COL5A1: variants seen among roughly 807,000 people sequenced by gnomAD.
The protein encoded by COL5A1 is collagen alpha-1(V) chain.
In COL5A1, 16 loss-of-function variants were observed where a neutral mutation model predicts 263.7. The ratio of observed to expected loss-of-function variants is 0.06; its 90% confidence interval spans 0.04 to 0.09. The LOEUF is 0.09. Ranked by LOEUF, COL5A1 falls within the 10% of genes least tolerant of loss-of-function variation. The pLI is 1.00. For synonymous variants in COL5A1, 1,012 were observed against 1,004.5 expected, an observed-to-expected ratio of 1.01 and a Z score of -0.14; for missense variants, 2,036 against 2,540.5, an observed-to-expected ratio of 0.80 and a Z score of 4.27.
In COL5A1 at chr9:134,701,288, C is replaced by T. The variant is rs146054551; in HGVS notation, c.609C>T (p.Gly203=). The change falls in exon 4 of 66, where the codon GGC becomes GGT. Residue 203 remains glycine (G), a synonymous_variant. Transcript: ENST00000371817. ...RSDHPMIDIN[G]IIVFGTRILD... is the part of the protein sequence containing the mutation. Reference sequence around the variant, plus strand: ...ACCACCCCATGATCGACATCAATGGCATCATCGTGTTTGGCACCCGGATCC... The same window carrying T: ...ACCACCCCATGATCGACATCAATGGTATCATCGTGTTTGGCACCCGGATCC... 8 of 1,613,912 alleles carry T rather than the reference C, an allele frequency of 5.0e-6. No individual in the cohort carries two copies. The highest frequency in any genetic ancestry group is 6.8e-6 in the Non-Finnish European group (8 of 1,180,030).
At position 134,808,575 on chromosome 9, in the gene COL5A1, A is replaced by G. The variant is rs576079381; in HGVS notation, c.3367-608A>G. ...TTGGTGCATATTCACACGTGTGCAC[A>G]TGTTGGTGCATATTCACACGTGTGC... On this transcript the variant is annotated intron_variant, in intron 42 of 65. Coordinates refer to ENST00000371817, the MANE Select transcript of COL5A1 (RefSeq NM_000093.5). 9.9e-5 allele frequency among the ~76,000 whole-genome samples: 15 copies of G among 152,204 alleles called. No homozygotes were observed. In the South Asian group the frequency reaches 3.1e-3, roughly 32 times the overall value.
rs116462877 is a variant in COL5A1, at chr9:134,688,713, G to A, written c.110-2199G>A. Among the ~76,000 whole-genome samples, 161 of 152,264 alleles carry A rather than the reference G, an allele frequency of 1.1e-3. 1 individual carries two copies. The highest frequency in any genetic ancestry group is 3.6e-3 in the African/African-American group (150 of 41,558). ...TCCCCTTTGTCACTGTTCCCACGCC[G>A]CAGTGGGAAATCCTCAGCTTCTCCA... On this transcript the variant is annotated intron_variant, in intron 1 of 65. Transcript: ENST00000371817.
rs1831878070 is a variant in COL5A1 at position 134,654,773 on chromosome 9, G to A, written c.109+12477G>A. ...GGCTGGTGTGTGTAGGGCTTGTGGT[G>A]TCTAGGGCTGGGGTGTGTAGACCTC... On this transcript the variant is annotated intron_variant, in intron 1 of 65. Coordinates refer to ENST00000371817, the MANE Select transcript of COL5A1 (RefSeq NM_000093.5). Among the ~76,000 whole-genome samples the A allele has an allele frequency of 2.1e-5, 3 of 141,548 alleles. No individual in the cohort carries two copies. In the South Asian group the frequency reaches 7.3e-4, roughly 34 times the overall value. The allele number at this position is 141,548 out of a possible 152,430, so 92.9% of individuals were successfully genotyped here.
intron 1 of COL5A1, among the ~76,000 whole-genome samples, chr9:134,645,323 C>T (rs1046602337): frequency 4.6e-5 from 7 of 152,222 alleles, no homozygotes; most frequent in African/African-American, 1.2e-4. Flanking sequence ...CGCTGCCTGG[C>T]CTGTCTGCCT....
chr9:134,738,931 TCC>T, intron 11 of COL5A1, 123 bp downstream of exon 11: 1 of 795,166 alleles, frequency 1.3e-6, no homozygotes. Flanking sequence ...TGTCTTCAAA[TCC>T]CCCCTCACCC....
chr9:134,795,474 C>G (rs547319174), intron 34 of COL5A1, among the ~76,000 whole-genome samples, 159 bp downstream of exon 34: 30 of 151,630 alleles, frequency 2.0e-4, no homozygotes, highest in Non-Finnish European at 3.5e-4. Context: ...TCCCCTCCAG[C>G]AGCCTCTGGA....
chr9:134,818,761 G>T lies in COL5A1; in HGVS notation c.4336G>T (p.Val1446Leu), dbSNP rs747180489. The change falls in exon 55 of 66, where the codon GTG becomes TTG. Residue 1446 changes from valine (V) to leucine (L), a missense_variant and splice_region_variant. Val to Leu is a conservative substitution (Grantham distance 32). This residue lies in a region of COL5A1 where 1,078 missense variants were observed against 1,521.4 expected (regional missense o/e 0.71). Transcript: ENST00000371817. The surrounding 1 kb of genome is among the most constrained non-coding windows in gnomAD (Gnocchi z 6.0). ...PDGLRGIPGP[V>L]GEQGLPGSPG... ...TGGCCTTCGAGGGATCCCTGGCCCT[G>T]TGGTGAGTAGGCTGTGAGGGGCAGA... 1 of 1,612,626 alleles carries T rather than the reference G, an allele frequency of 6.2e-7. No individual in the cohort carries two copies. The highest frequency in any genetic ancestry group is 8.5e-7 in the Non-Finnish European group (1 of 1,179,718).
chr9:134,671,941 C>T (rs1832550998), intron 1 of COL5A1, among the ~76,000 whole-genome samples: 1 of 152,224 alleles, frequency 6.6e-6, no homozygotes, highest in South Asian at 2.1e-4. Context: ...CAAGTGCAAG[C>T]TGCACTTGGG....
chr9:134,738,883 C>A, intron 11 of COL5A1, 75 bp downstream of exon 11: 1 of 1,251,766 alleles, frequency 8.0e-7, no homozygotes, highest in Non-Finnish European at 1.2e-6. Context: ...CACTGTGACC[C>A]GAGCTGTCCC....
chr9:134,672,152 A>ATATC (rs1274424708), intron 1 of COL5A1, among the ~76,000 whole-genome samples: 5 of 152,256 alleles, frequency 3.3e-5, no homozygotes, highest in African/African-American at 4.8e-5. Context: ...GAGATGTTAA[A>ATATC]TATCTATGTA....
Position 134,686,694 on chromosome 9 carries a change from T to G in COL5A1, c.110-4218T>G, listed in dbSNP as rs1307550125. On this transcript the variant is annotated intron_variant, in intron 1 of 65. Transcript: ENST00000371817. This position sits in a 1 kb window ranked among gnomAD's most constrained non-coding sequence, Gnocchi z 4.6. ...GATGCCAGTGACAAATACTTCTACT[T>G]GTAACAGTGCAGGGGATGCAGGGGC... is the stretch of plus-strand genomic sequence containing the variant. Among the ~76,000 whole-genome samples, 1 of 152,140 alleles carries G rather than the reference T, an allele frequency of 6.6e-6. No homozygotes were observed. The highest frequency in any genetic ancestry group is 2.4e-5 in the African/African-American group (1 of 41,432).
chr9:134,783,453 C>T (rs1564455989), intron 29 of COL5A1, among the ~76,000 whole-genome samples: 1 of 152,192 alleles, frequency 6.6e-6, no homozygotes, highest in African/African-American at 2.4e-5. Context: ...GCTCTTAGAG[C>T]AGCCAGGGTG....
chr9:134,792,174 C>T (rs943889346), intron 32 of COL5A1, among the ~76,000 whole-genome samples: 1 of 152,206 alleles, frequency 6.6e-6, no homozygotes, highest in Non-Finnish European at 1.5e-5. Flanking sequence ...CAGAGCCTGC[C>T]GGGGCAGCCA....
rs1277648443 is a variant in COL5A1, at chr9:134,681,185, A to G, written c.110-9727A>G. Among the ~76,000 whole-genome samples the G allele has an allele frequency of 6.6e-6, 1 of 152,174 alleles. No individual in the cohort carries two copies. Among genetic ancestry groups the G allele is most frequent in the African/African-American group, 2.4e-5 (1 of 41,436 alleles). On this transcript the variant is annotated intron_variant, in intron 1 of 65. Transcript: ENST00000371817. This position sits in a 1 kb window ranked among gnomAD's most constrained non-coding sequence, Gnocchi z 4.3. Reference sequence around the variant, plus strand: ...GGGAGGGCTGGGGTGGGGGGGCCTCAGCCCTGGGCCAGACCCTCCCTGGTG... The same window carrying G: ...GGGAGGGCTGGGGTGGGGGGGCCTCGGCCCTGGGCCAGACCCTCCCTGGTG...
chr9:134,642,204 G>A lies in COL5A1; in HGVS notation c.17G>A (p.Arg6His), dbSNP rs1166669897. The A allele has an allele frequency of 1.5e-6, 2 of 1,304,782 alleles. No individual in the cohort carries two copies. Among genetic ancestry groups the A allele is most frequent in the Admixed American group, 3.1e-5 (1 of 32,776 alleles). The allele number at this position is 1,304,782 out of a possible 1,614,324, so 80.8% of individuals were successfully genotyped here. ...CCCGCCGGCATGGACGTCCATACCCGCTGGAAAGCGCGCAGCGCGCTCCGC... is the reference window on the plus strand; with the variant it reads ...CCCGCCGGCATGGACGTCCATACCCACTGGAAAGCGCGCAGCGCGCTCCGC... MDVHT[R>H]WKARSALRPG... is the part of the protein sequence containing the mutation. The change falls in exon 1 of 66, where the codon CGC becomes CAC. Residue 6 changes from arginine to histidine, a missense_variant. Transcript: ENST00000371817. The surrounding 1 kb of genome is among the most constrained non-coding windows in gnomAD (Gnocchi z 4.5).
rs867635540 is a variant in COL5A1 at position 134,818,696 on chromosome 9, C to A, written c.4271C>A (p.Pro1424His). The change falls in exon 55 of 66, where the codon CCC becomes CAC. Residue 1424 changes from proline to histidine, a missense_variant. By Grantham distance (77) the Pro-to-His change is moderately conservative. Transcript: ENST00000371817. This position sits in a 1 kb window ranked among gnomAD's most constrained non-coding sequence, Gnocchi z 6.0. ...GLEGPPGKTG[P>H]IGPQGAPGKP... Reference sequence around the variant, plus strand: ...GAAGGCCCTCCTGGGAAGACTGGCCCCATCGGCCCCCAGGGGGCCCCTGGG... The same window carrying A: ...GAAGGCCCTCCTGGGAAGACTGGCCACATCGGCCCCCAGGGGGCCCCTGGG... The A allele has an allele frequency of 1.2e-6, 2 of 1,609,898 alleles. No homozygotes were observed. The highest frequency in any genetic ancestry group is 2.2e-5 in the East Asian group (1 of 44,670).
chr9:134,738,595 G>A (rs1266914747), intron 10 of COL5A1, 80 bp downstream of exon 10: 1 of 1,581,816 alleles, frequency 6.3e-7, no homozygotes, highest in South Asian at 1.1e-5. Flanking sequence ...TATGTCTCCT[G>A]GATGGAAAAG....
intron 2 of COL5A1, among the ~76,000 whole-genome samples, chr9:134,693,380 T>G (rs1388576950): frequency 6.6e-6 from 1 of 152,186 alleles, no homozygotes; most frequent in Non-Finnish European, 1.5e-5. Flanking sequence ...AATTTCTGAA[T>G]AGTCTGCGGG....
At position 134,766,775 on chromosome 9, in the gene COL5A1, C is replaced by T. The variant is rs74674596; in HGVS notation, c.2134-225C>T. Among the ~76,000 whole-genome samples, 8,562 of 152,216 alleles carry T rather than the reference C, an allele frequency of 0.056. 474 individuals carry two copies. Among genetic ancestry groups the T allele is most frequent in the East Asian group, 0.27 (1,408 of 5,170 alleles). On this transcript the variant is annotated intron_variant, in intron 22 of 65. Coordinates refer to ENST00000371817, the MANE Select transcript of COL5A1 (RefSeq NM_000093.5). The stretch of plus-strand genomic sequence containing the variant: ...GGATGTCTGGGCATATTTGCATAAA[C>T]GAGTTAGTGCTCACTCCATCAGAGT...
Sources: gnomAD v4.1 joint callset for allele counts (sites outside exome capture counted in the v4.1 genomes callset) on GRCh38, gnomAD v4.1.1 for gene constraint, gnomAD v4.1.1 regional missense constraint, Gnocchi (gnomAD v3.1) non-coding constraint, MANE v1.5 for transcripts, NCBI Gene and HGNC (gene_info 2026-07-23, HGNC 2026-07-21) for gene names.